Variants in NRF1 observed in about 807,000 individuals in gnomAD.
NRF1 encodes the protein nuclear respiratory factor 1.
A neutral mutation model predicts 58.5 loss-of-function variants in NRF1; 5 were observed. The observed-to-expected ratio is 0.09, with a 90% CI of 0.04 to 0.18. The LOEUF is 0.18. Among genes scored for constraint, NRF1 ranks in the 10% least tolerant of loss-of-function variants. NRF1 has a pLI of 1.00. For missense variants in NRF1, 288 were observed against 657.7 expected (o/e 0.44, Z 6.15); for synonymous variants, 224 against 246.7 (o/e 0.91, Z 0.86).
At chr7:129,714,978 A>G (rs1803154587) in intron 8 of NRF1, among the ~76,000 whole-genome samples, 1 of 152,198 alleles carries the variant, frequency 6.6e-6, no homozygotes, top group Non-Finnish European at 1.5e-5. Context: ...GAGTCCAAAG[A>G]CAGATACACC....
Position 129,645,628 on chromosome 7 carries a change from G to A in NRF1, c.-6-11718G>A, listed in dbSNP as rs149727536. 7.1e-4 allele frequency among the ~76,000 whole-genome samples: 108 copies of A among 152,206 alleles called. 1 individual carries two copies. Among genetic ancestry groups the A allele is most frequent in the Non-Finnish European group, 1.2e-3 (79 of 68,022 alleles). On this transcript the variant is annotated intron_variant, in intron 1 of 10. Coordinates refer to ENST00000393232, the MANE Select transcript of NRF1 (RefSeq NM_005011.5). ...TTTCCAAAAACCTGATCTATTCATC[G>A]AGTAATATGACAAATTATTTTCTGT...
chr7:129,641,088 G>A (rs982149472), intron 1 of NRF1, among the ~76,000 whole-genome samples: 4 of 152,116 alleles, frequency 2.6e-5, no homozygotes, highest in Non-Finnish European at 5.9e-5. Context: ...TCCAGAGACA[G>A]CCTTTAAAAA....
intron 10 of NRF1, among the ~76,000 whole-genome samples, chr7:129,750,752 A>C (rs1348250692): frequency 6.6e-6 from 1 of 152,200 alleles, no homozygotes; most frequent in African/African-American, 2.4e-5. Context: ...AGAAGATGGA[A>C]TCTTTCAAAA....
intron 1 of NRF1, among the ~76,000 whole-genome samples, chr7:129,652,847 C>T (rs1801568110): frequency 6.6e-6 from 1 of 152,150 alleles, no homozygotes; most frequent in African/African-American, 2.4e-5. Flanking sequence ...CTGCCTTGGC[C>T]TCCCAAAGTG....
chr7:129,750,627 T>C (rs912492557), intron 10 of NRF1, among the ~76,000 whole-genome samples: 15 of 152,206 alleles, frequency 9.9e-5, no homozygotes, highest in African/African-American at 3.6e-4. Flanking sequence ...TCTCCTGTGC[T>C]TCTAAGGTGT....
intron 2 of NRF1, among the ~76,000 whole-genome samples, chr7:129,662,693 A>G (rs1801812562): frequency 6.6e-6 from 1 of 152,134 alleles, no homozygotes; most frequent in East Asian, 1.9e-4. Context: ...CTTCTGCGAG[A>G]TGCCCGAGGG....
At chr7:129,618,467 A>G (rs184434677) in intron 1 of NRF1, among the ~76,000 whole-genome samples, 328 of 152,340 alleles carry the variant, frequency 2.2e-3, no homozygotes, top group Non-Finnish European at 2.7e-3. Flanking sequence ...AGGCCAAGGC[A>G]GAGGATCACT....
chr7:129,683,320 T>TGAGAGA (rs72404049), intron 4 of NRF1, among the ~76,000 whole-genome samples: 2 of 136,382 alleles, frequency 1.5e-5, no homozygotes, highest in Non-Finnish European at 3.1e-5. Context: ...TGTGTGTGTG[T>TGAGAGA]GAGAGAGAGA....
intron 2 of NRF1, among the ~76,000 whole-genome samples, chr7:129,660,231 G>C (rs1158988736): frequency 2.6e-4 from 39 of 151,966 alleles, no homozygotes; most frequent in African/African-American, 9.2e-4. Context: ...GGAATTATGA[G>C]AGTACAATTC....
At chr7:129,751,878 C>G (rs895799021) in intron 10 of NRF1, among the ~76,000 whole-genome samples, 1 of 152,128 alleles carries the variant, frequency 6.6e-6, no homozygotes, top group African/African-American at 2.4e-5. Flanking sequence ...AGAGCCTGAT[C>G]GTGATAGGAG....
At chr7:129,664,845 T>G (rs1801883494) in intron 2 of NRF1, among the ~76,000 whole-genome samples, 1 of 152,230 alleles carries the variant, frequency 6.6e-6, no homozygotes, top group Admixed American at 6.5e-5. Context: ...CCTATGTAGA[T>G]ACTATGCACA....
intron 1 of NRF1, chr7:129,641,694 T>C (rs930563623): frequency 6.6e-6 from 1 of 152,230 alleles, no homozygotes; most frequent in African/African-American, 2.4e-5. Flanking sequence ...TTATTTATTT[T>C]TTTGAAATGG....
chr7:129,656,778 T>C (rs956760415), intron 1 of NRF1, among the ~76,000 whole-genome samples: 4 of 152,174 alleles, frequency 2.6e-5, no homozygotes, highest in Non-Finnish European at 4.4e-5. Flanking sequence ...GGTTTTGCCA[T>C]GTTGGCCAGG....
intron 9 of NRF1, among the ~76,000 whole-genome samples, chr7:129,721,172 T>G (rs2116230340): frequency 6.6e-6 from 1 of 152,318 alleles, no homozygotes; most frequent in East Asian, 1.9e-4. Context: ...GTAGTTCCTC[T>G]TAAACATGTC....
At chr7:129,656,544 AAGCAC>A (rs1236880846) in intron 1 of NRF1, among the ~76,000 whole-genome samples, 2 of 151,962 alleles carry the variant, frequency 1.3e-5, no homozygotes, top group East Asian at 3.9e-4. Flanking sequence ...GGTTTACAAG[AAGCAC>A]AGTTTTTTGG....
At chr7:129,749,977 C>T (rs948127369) in intron 10 of NRF1, among the ~76,000 whole-genome samples, 5 of 151,966 alleles carry the variant, frequency 3.3e-5, no homozygotes, top group Admixed American at 6.6e-5. Context: ...ATGATGAGCC[C>T]GTGGTTCTGG....
At chr7:129,697,328 G>C (rs1228910524) in intron 5 of NRF1, among the ~76,000 whole-genome samples, 1 of 151,884 alleles carries the variant, frequency 6.6e-6, no homozygotes, top group Admixed American at 6.6e-5. Flanking sequence ...CAGATCATGA[G>C]GTCAGGAGAT....
chr7:129,681,040 G>T (rs554609687), intron 4 of NRF1, among the ~76,000 whole-genome samples: 1 of 152,286 alleles, frequency 6.6e-6, no homozygotes, highest in South Asian at 2.1e-4. Flanking sequence ...GGTCTTGAAT[G>T]GGGAGATTAT....
chr7:129,698,558 A>G (rs965730752), intron 5 of NRF1, among the ~76,000 whole-genome samples: 8 of 152,150 alleles, frequency 5.3e-5, no homozygotes, highest in Admixed American at 2.0e-4. Context: ...TTCATTTACA[A>G]TGAAGTCTCC....
Sources: allele counts gnomAD v4.1 joint callset (sites outside exome capture counted in the v4.1 genomes callset), GRCh38; gene constraint gnomAD v4.1.1; transcripts MANE v1.5; gene names NCBI Gene and HGNC (gene_info 2026-07-23, HGNC 2026-07-21).